The following RIMBP2 variants were observed in gnomAD, a reference collection of about 807,000 sequenced individuals.
RIMBP2 encodes RIMS-binding protein 2.
A neutral mutation model predicts 118.6 loss-of-function variants in RIMBP2; 48 were observed. That is an observed-to-expected ratio of 0.40 (90% confidence interval 0.32 to 0.51). The LOEUF (loss-of-function observed/expected upper bound fraction) is 0.51. RIMBP2 is among the 20% of genes least tolerant of loss of function. The pLI, the probability that RIMBP2 is intolerant of heterozygous loss-of-function variation, is 0.41. For missense variants in RIMBP2, 1,551 were observed against 1,768.3 expected (o/e 0.88, Z 2.20); for synonymous variants, 762 against 742.9 (o/e 1.03, Z -0.42).
At chr12:130,438,987 C>T (rs2137079778) in intron 11 of RIMBP2, among the ~76,000 whole-genome samples, 1 of 151,698 alleles carries the variant, frequency 6.6e-6, no homozygotes, top group East Asian at 2.0e-4. Context: ...CTCATCCTCT[C>T]ACCTTTTCTT....
chr12:130,441,803 T>C lies in RIMBP2; in HGVS notation c.1504+45A>G. 2 of 1,542,404 alleles carry C rather than the reference T, an allele frequency of 1.3e-6. 1 individual carries two copies. Among genetic ancestry groups the C allele is most frequent in the South Asian group, 2.4e-5 (2 of 83,698 alleles). ...CCTCCCCACTAGCAGGGTGACATCC[T>C]GGCGTTCTCTCCCTGGGGGACCCAC... On this transcript the variant is annotated intron_variant, in intron 11 of 22. Coordinates refer to ENST00000690449, the MANE Select transcript of RIMBP2 (RefSeq NM_001393629.1).
chr12:130,441,510 C>A (rs1180841535), intron 11 of RIMBP2, among the ~76,000 whole-genome samples: 1 of 151,686 alleles, frequency 6.6e-6, no homozygotes, highest in Non-Finnish European at 1.5e-5. Flanking sequence ...CAGGCAGTAT[C>A]CAACTCAGTG....
Position 130,425,393 on chromosome 12 carries a change from G to A in RIMBP2, c.2413-535C>T, listed in dbSNP as rs147144081. The A allele has an allele frequency of 3.6e-3, 543 of 152,898 alleles. 2 individuals carry two copies. The highest frequency in any genetic ancestry group is 0.011 in the African/African-American group (476 of 41,590). The allele number at this position is 152,898 out of a possible 1,614,324, so 9.5% of individuals were successfully genotyped here. A position where few individuals can be genotyped will look rare whatever the true frequency, so the allele number is the denominator to read the frequency against. On this transcript the variant is annotated intron_variant, in intron 15 of 22. Coordinates refer to ENST00000690449, the MANE Select transcript of RIMBP2 (RefSeq NM_001393629.1). The stretch of plus-strand genomic sequence containing the variant: ...CTCTGCAGGACTTTCTAGTTAGGCT[G>A]ACGTGTCACCCTTCTCCCTAAGATA...
chr12:130,541,471 C>T (rs76438034), intron 2 of RIMBP2, among the ~76,000 whole-genome samples: 36 of 152,278 alleles, frequency 2.4e-4, no homozygotes, highest in Middle Eastern at 3.4e-3. Context: ...GTGAAGATCA[C>T]GGAATGATTC....
Position 130,703,936 on chromosome 12 carries a change from C to T in RIMBP2, c.-352+12286G>A, listed in dbSNP as rs1055645857. ...GAGGCAGTGCCCCAGCTGTGCTCAC[C>T]GGTGAGGGGAACACACCACCTTCCT... On this transcript the variant is annotated intron_variant, in intron 1 of 22. Coordinates refer to ENST00000690449, the MANE Select transcript of RIMBP2 (RefSeq NM_001393629.1). The surrounding 1 kb of genome is among the most constrained non-coding windows in gnomAD (Gnocchi z 5.7). Among the ~76,000 whole-genome samples the T allele has an allele frequency of 1.6e-4, 25 of 152,138 alleles. No individual in the cohort carries two copies. The highest frequency in any genetic ancestry group is 5.6e-4 in the African/African-American group (23 of 41,436).
intron 19 of RIMBP2, among the ~76,000 whole-genome samples, chr12:130,410,177 A>G (rs576764570): frequency 6.6e-5 from 10 of 152,328 alleles, no homozygotes; most frequent in Admixed American, 6.5e-4. Flanking sequence ...TGCCACCCAC[A>G]TATCGTCTTT....
intron 1 of RIMBP2, among the ~76,000 whole-genome samples, chr12:130,672,287 G>A (rs916381341): frequency 4.6e-5 from 7 of 152,108 alleles, no homozygotes; most frequent in African/African-American, 1.7e-4. Context: ...CTCACAATAC[G>A]ACTCATTAAA....
intron 2 of RIMBP2, among the ~76,000 whole-genome samples, chr12:130,548,012 A>C (rs1035553418): frequency 6.6e-6 from 1 of 152,222 alleles, no homozygotes; most frequent in African/African-American, 2.4e-5. Flanking sequence ...TATGTCAAGT[A>C]GTAGACACTT....
At chr12:130,506,898 A>G (rs1206640485) in intron 3 of RIMBP2, 128 bp from the exon 4 acceptor site, 8 of 701,810 alleles carry the variant, frequency 1.1e-5, no homozygotes, top group Non-Finnish European at 1.4e-5. Flanking sequence ...CTCCTTCTCC[A>G]TCATGGACTG....
At chr12:130,640,329 C>A (rs1296475052) in intron 1 of RIMBP2, among the ~76,000 whole-genome samples, 2 of 152,190 alleles carry the variant, frequency 1.3e-5, no homozygotes, top group African/African-American at 4.8e-5. Flanking sequence ...ATTAATTTTG[C>A]TCCCACTAAA....
chr12:130,710,362 A>G lies in RIMBP2; in HGVS notation c.-352+5860T>C, dbSNP rs1417496404. 6.6e-6 allele frequency among the ~76,000 whole-genome samples: 1 copy of G among 152,024 alleles called. No individual in the cohort carries two copies. Among genetic ancestry groups the G allele is most frequent in the East Asian group, 1.9e-4 (1 of 5,164 alleles). On this transcript the variant is annotated intron_variant, in intron 1 of 22. Transcript: ENST00000690449. This position sits in a 1 kb window ranked among gnomAD's most constrained non-coding sequence, Gnocchi z 4.3. ...ATTGGAACCCTCTGCTGGGCACTCCATCAGGGCAGCTGTCTCTGGTGTAGT... is the reference window on the plus strand; with the variant it reads ...ATTGGAACCCTCTGCTGGGCACTCCGTCAGGGCAGCTGTCTCTGGTGTAGT...
intron 2 of RIMBP2, among the ~76,000 whole-genome samples, chr12:130,584,731 A>G (rs772504402): frequency 4.6e-5 from 7 of 152,204 alleles, no homozygotes; most frequent in Non-Finnish European, 7.4e-5. Flanking sequence ...CACTATCACA[A>G]CCATTACATC....
intron 3 of RIMBP2, among the ~76,000 whole-genome samples, chr12:130,514,118 A>C (rs2051192158): frequency 6.6e-6 from 1 of 152,192 alleles, no homozygotes; most frequent in Non-Finnish European, 1.5e-5. Context: ...AGGCACTTGG[A>C]AGGAAAGCCA....
In RIMBP2 at chr12:130,555,258, C is replaced by T. The variant is rs1222264799; in HGVS notation, c.-216-37341G>A. Among the ~76,000 whole-genome samples, 4 of 152,120 alleles carry T rather than the reference C, an allele frequency of 2.6e-5. No homozygotes were observed. The East Asian group carries it at 7.7e-4, about 29-fold the overall frequency. On this transcript the variant is annotated intron_variant, in intron 2 of 22. Transcript: ENST00000690449. The stretch of plus-strand genomic sequence containing the variant: ...ACAGCTTATGTTGAACAATCAGATT[C>T]AGGAGAAAGCCCTCGCAGGAAAAAA...
At position 130,546,097 on chromosome 12, in the gene RIMBP2, C is replaced by CTTTTTTT. The variant is rs56407634; in HGVS notation, c.-216-28187_-216-28181dup. The stretch of plus-strand genomic sequence containing the variant: ...TGAGCAATTACAAATATCACTGCTT[C>CTTTTTTT]TTTTTTTTTTTTTTTTTTTTGGGAT... On this transcript the variant is annotated intron_variant, in intron 2 of 22. Transcript: ENST00000690449. Among the ~76,000 whole-genome samples the CTTTTTTT allele has an allele frequency of 1.6e-4, 17 of 103,524 alleles. 1 individual carries two copies. Among genetic ancestry groups the CTTTTTTT allele is most frequent in the Non-Finnish European group, 2.0e-4 (11 of 55,116 alleles). The allele number at this position is 103,524 out of a possible 152,430, so 67.9% of individuals were successfully genotyped here. A position where few individuals can be genotyped will look rare whatever the true frequency, so the allele number is the denominator to read the frequency against.
rs997477975 is a variant in RIMBP2 at position 130,525,930 on chromosome 12, G to A, written c.-216-8013C>T. On this transcript the variant is annotated intron_variant, in intron 2 of 22. Coordinates refer to ENST00000690449, the MANE Select transcript of RIMBP2 (RefSeq NM_001393629.1). This position sits in a 1 kb window ranked among gnomAD's most constrained non-coding sequence, Gnocchi z 4.4. ...TAACTGAGCGAGCAGCCTCCCCCGA[G>A]CATGTGGAGGGGTGGGACTCAAGCC... is the stretch of plus-strand genomic sequence containing the variant. Among the ~76,000 whole-genome samples the A allele has an allele frequency of 1.3e-5, 2 of 152,114 alleles. No homozygotes were observed. Among genetic ancestry groups the A allele is most frequent in the African/African-American group, 4.8e-5 (2 of 41,424 alleles).
Position 130,424,599 on chromosome 12 carries a change from G to A in RIMBP2, c.2672C>T (p.Ser891Leu), listed in dbSNP as rs558251183. 122 of 1,231,772 alleles carry A rather than the reference G, an allele frequency of 9.9e-5. No individual in the cohort carries two copies. In the African/African-American group the frequency reaches 1.3e-3, roughly 13 times the overall value. The allele number at this position is 1,231,772 out of a possible 1,614,324, so 76.3% of individuals were successfully genotyped here. The change falls in exon 16 of 23, where the codon TCG (serine) becomes TTG (leucine). Residue 891 changes from serine to leucine, a missense_variant. Physicochemically the swap from Ser to Leu is moderately radical, Grantham distance 145. Coordinates refer to ENST00000690449, the MANE Select transcript of RIMBP2 (RefSeq NM_001393629.1). The surrounding 1 kb of genome is among the most constrained non-coding windows in gnomAD (Gnocchi z 9.8). ...GTCCTCCACGTGGGGGACGGCCCCC[G>A]AGCCCCTGTGCTTCACCGGGAACCA... The part of the protein sequence containing the change: ...GSWFPVKHRG[S>L]GAVPHVEDFL...
chr12:130,437,177 C>G lies in RIMBP2; in HGVS notation c.1771G>C (p.Val591Leu), dbSNP rs200419075. 1.9e-6 allele frequency: 3 copies of G among 1,586,814 alleles called. No homozygotes were observed. The highest frequency in any genetic ancestry group is 4.6e-5 in the East Asian group (2 of 43,520). ...VRTLSAQGES[V>L]DSAVAAVPPE... ...GGAACGGCAGCAACTGCAGAGTCCA[C>G]GGACTCGCCCTGGGCGGAGAGGGTC... Residue 591 changes from valine to leucine, a missense_variant, in exon 13 of 23, where the codon GTG becomes CTG. Transcript: ENST00000690449.
At chr12:130,590,695 C>G (rs1047038407) in intron 2 of RIMBP2, among the ~76,000 whole-genome samples, 1 of 152,206 alleles carries the variant, frequency 6.6e-6, no homozygotes, top group Non-Finnish European at 1.5e-5. Context: ...GAGCCCTCCG[C>G]TTGCCAGGAG....
Sources: allele counts gnomAD v4.1 joint callset (sites outside exome capture counted in the v4.1 genomes callset), GRCh38; gene constraint gnomAD v4.1.1; non-coding constraint Gnocchi (gnomAD v3.1); transcripts MANE v1.5; gene names NCBI Gene and HGNC (gene_info 2026-07-23, HGNC 2026-07-21).